Variants in FMN2 observed in about 807,000 individuals in gnomAD.
FMN2 encodes formin-2.
A neutral mutation model predicts 142.3 loss-of-function variants in FMN2; 51 were observed. That is an observed-to-expected ratio of 0.36 (90% CI 0.29 to 0.45). The LOEUF is 0.45. Ranked by LOEUF, FMN2 falls within the 20% of genes least tolerant of loss-of-function variation. FMN2 has a pLI of 1.00. For synonymous variants in FMN2, 882 were observed against 869.8 expected (o/e 1.01, Z -0.25); for missense variants, 1,936 against 2,122.8 (o/e 0.91, Z 1.73).
At chr1:240,274,740 G>A (rs888972603) in intron 7 of FMN2, among the ~76,000 whole-genome samples, 8 of 152,190 alleles carry the variant, frequency 5.3e-5, no homozygotes, top group Middle Eastern at 6.8e-3. Flanking sequence ...CAGTGGAGAC[G>A]TGTGAGATAT....
At chr1:240,377,751 T>C (rs1673093688) in intron 14 of FMN2, among the ~76,000 whole-genome samples, 1 of 152,192 alleles carries the variant, frequency 6.6e-6, no homozygotes, top group Admixed American at 6.5e-5. Context: ...CTTCTCATCT[T>C]AAGGTCAGCT....
chr1:240,422,735 CT>C (rs1558482944), intron 15 of FMN2, among the ~76,000 whole-genome samples: 1 of 151,982 alleles, frequency 6.6e-6, no homozygotes, highest in Non-Finnish European at 1.5e-5. Flanking sequence ...CTTTTATTTC[CT>C]TTTTTGTCTT....
At chr1:240,112,228 T>A (rs1661839565) in intron 1 of FMN2, among the ~76,000 whole-genome samples, 1 of 150,522 alleles carries the variant, frequency 6.6e-6, no homozygotes, top group African/African-American at 2.4e-5. Flanking sequence ...ACCTCCTGGG[T>A]TCAAGTGCGC....
At chr1:240,214,336 G>A (rs1380299440) in intron 6 of FMN2, among the ~76,000 whole-genome samples, 1 of 151,888 alleles carries the variant, frequency 6.6e-6, no homozygotes, top group Non-Finnish European at 1.5e-5. Flanking sequence ...CGGATCACGA[G>A]GTCAGGAGAT....
chr1:240,208,344 C>G lies in FMN2; in HGVS notation c.3532C>G (p.Pro1178Ala). Residue 1178 changes from proline to alanine, a missense_variant, in exon 5 of 18, where the codon CCT becomes GCT. Pro to Ala is a conservative substitution (Grantham distance 27). This residue lies in a region of FMN2 where 259 missense variants were observed against 230.9 expected (regional missense o/e 1.12). Transcript: ENST00000319653. Reference sequence around the variant, plus strand: ...CGGAGCGGGCATACCCCCTCCGCCCCCTCTACCTGGAGTGGGAATACCTCC... The same window carrying G: ...CGGAGCGGGCATACCCCCTCCGCCCGCTCTACCTGGAGTGGGAATACCTCC... ...LPGAGIPPPPPLPGVGIPPPP... is the reference protein window; with the variant it reads ...LPGAGIPPPPALPGVGIPPPP... The G allele has an allele frequency of 1.3e-6, 2 of 1,485,842 alleles. No homozygotes were observed. The highest frequency in any genetic ancestry group is 1.8e-6 in the Non-Finnish European group (2 of 1,093,822). 92.0% of individuals were successfully genotyped at this position (1,485,842 alleles called of 1,614,324 possible).
chr1:240,272,546 G>C (rs1004035400), intron 7 of FMN2, among the ~76,000 whole-genome samples: 2 of 152,142 alleles, frequency 1.3e-5, no homozygotes, highest in Non-Finnish European at 2.9e-5. Context: ...GATACTCTCA[G>C]GATGCTCCCT....
At chr1:240,155,371 TAGCCTCG>T (rs1663979609) in intron 2 of FMN2, among the ~76,000 whole-genome samples, 1 of 152,216 alleles carries the variant, frequency 6.6e-6, no homozygotes, top group Non-Finnish European at 1.5e-5. Flanking sequence ...TTCTAACTCC[TAGCCTCG>T]AGTGATTCTC....
At chr1:240,359,359 A>G (rs1203222029) in intron 14 of FMN2, among the ~76,000 whole-genome samples, 1 of 152,304 alleles carries the variant, frequency 6.6e-6, no homozygotes, top group Non-Finnish European at 1.5e-5. Context: ...ATATTTTTGT[A>G]TATACAAGCA....
At chr1:240,389,155 G>A (rs1673520550) in intron 14 of FMN2, among the ~76,000 whole-genome samples, 1 of 151,962 alleles carries the variant, frequency 6.6e-6, no homozygotes, top group African/African-American at 2.4e-5. Flanking sequence ...CAATTCACTC[G>A]GCATACTTTA....
At chr1:240,305,950 A>AGTTTTTTTTT (rs199667645) in intron 8 of FMN2, among the ~76,000 whole-genome samples, 15,119 of 135,782 alleles carry the variant, frequency 0.11, 1,279 homozygotes, top group African/African-American at 0.24. Flanking sequence ...TATGCTTGTA[A>AGTTTTTTTTT]GTTTTTTTTT....
intron 13 of FMN2, among the ~76,000 whole-genome samples, chr1:240,337,888 G>C (rs1040009910): frequency 1.2e-4 from 19 of 152,048 alleles, no homozygotes; most frequent in African/African-American, 4.1e-4. Context: ...ATTTCCTCAG[G>C]GTGCTTCCCT....
Position 240,092,427 on chromosome 1 carries a change from G to A in FMN2, c.318G>A (p.Gly106=). Residue 106 remains glycine (G), a synonymous_variant, in exon 1 of 18, where the codon GGG becomes GGA. Transcript: ENST00000319653. ...TGGATTCCCAGGCCCTGCAGACCGG[G>A]GAGCTGGACAGCGCTCACTCCCTGC... ...DVLDSQALQT[G]ELDSAHSLLT... 6.2e-7 allele frequency: 1 copy of A among 1,611,918 alleles called. No homozygotes were observed.
intron 7 of FMN2, among the ~76,000 whole-genome samples, chr1:240,261,441 T>C (rs534400138): frequency 2.0e-5 from 3 of 152,154 alleles, no homozygotes; most frequent in East Asian, 1.9e-4. Flanking sequence ...ACAAAGTATA[T>C]GTAATATTGT....
intron 7 of FMN2, among the ~76,000 whole-genome samples, chr1:240,273,918 G>A (rs1669105169): frequency 6.6e-6 from 1 of 152,092 alleles, no homozygotes; most frequent in African/African-American, 2.4e-5. Flanking sequence ...TCATATGAAT[G>A]TTAGGGTGTA....
intron 14 of FMN2, among the ~76,000 whole-genome samples, chr1:240,378,836 T>C (rs890334686): frequency 6.6e-6 from 1 of 152,214 alleles, no homozygotes; most frequent in Non-Finnish European, 1.5e-5. Flanking sequence ...CATTTTCTTC[T>C]CATTATGTTC....
At chr1:240,286,631 A>AAT (rs1405500804) in intron 7 of FMN2, among the ~76,000 whole-genome samples, 2 of 152,084 alleles carry the variant, frequency 1.3e-5, no homozygotes, top group African/African-American at 4.8e-5. Flanking sequence ...TACTTTTTTA[A>AAT]ATATGTTTTT....
chr1:240,346,006 T>C (rs1572215094), intron 13 of FMN2, among the ~76,000 whole-genome samples: 1 of 152,290 alleles, frequency 6.6e-6, no homozygotes, highest in East Asian at 1.9e-4. Context: ...GATTGAACTG[T>C]ATTTACCTGC....
chr1:240,174,179 G>T (rs1418996198), intron 2 of FMN2, among the ~76,000 whole-genome samples: 1 of 152,054 alleles, frequency 6.6e-6, no homozygotes, highest in Non-Finnish European at 1.5e-5. Flanking sequence ...TGGCCAATTT[G>T]GTTCTGCTAC....
chr1:240,464,398 C>T (rs954536833), intron 16 of FMN2, among the ~76,000 whole-genome samples: 1 of 152,118 alleles, frequency 6.6e-6, no homozygotes, highest in Non-Finnish European at 1.5e-5. Context: ...AATATGTTTT[C>T]TTATGAGTAA....
Sources: gnomAD v4.1 joint callset for allele counts (sites outside exome capture counted in the v4.1 genomes callset) on GRCh38, gnomAD v4.1.1 for gene constraint, gnomAD v4.1.1 regional missense constraint, MANE v1.5 for transcripts, NCBI Gene and HGNC (gene_info 2026-07-23, HGNC 2026-07-21) for gene names.